LRPPRC: variants seen among roughly 807,000 people sequenced by gnomAD.
LRPPRC encodes the protein leucine rich pentatricopeptide repeat containing.
LRPPRC carries 120 observed loss-of-function variants against 180.3 expected under a neutral mutation model. That is an observed-to-expected ratio of 0.67 (90% CI 0.57 to 0.77). LRPPRC has a LOEUF of 0.77. Among genes scored for constraint, LRPPRC ranks in the 30% least tolerant of loss-of-function variants. The pLI, the probability that LRPPRC is intolerant of heterozygous loss-of-function variation, is 0.00. For synonymous variants in LRPPRC, 723 were observed against 600.0 expected, an observed-to-expected ratio of 1.21 and a Z score of -3.00; for missense variants, 2,012 against 1,657.2, an observed-to-expected ratio of 1.21 and a Z score of -3.72.
At chr2:43,957,744 C>G (rs962826280) in intron 13 of LRPPRC, among the ~76,000 whole-genome samples, 1 of 152,118 alleles carries the variant, frequency 6.6e-6, no homozygotes, top group Non-Finnish European at 1.5e-5. Flanking sequence ...TCAGAGTCAG[C>G]CTGGTACACA....
At chr2:43,984,971 T>C (rs1397835124) in intron 1 of LRPPRC, among the ~76,000 whole-genome samples, 1 of 152,000 alleles carries the variant, frequency 6.6e-6, no homozygotes, top group Non-Finnish European at 1.5e-5. Flanking sequence ...CCATTTAAAG[T>C]TATTATCTCT....
intron 11 of LRPPRC, among the ~76,000 whole-genome samples, chr2:43,972,110 T>C (rs944797460): frequency 2.2e-4 from 34 of 152,262 alleles, no homozygotes; most frequent in African/African-American, 8.2e-4. Context: ...GGTTATAGTA[T>C]AAAAAAGGAT....
intron 14 of LRPPRC, among the ~76,000 whole-genome samples, chr2:43,956,478 CGTGTGTGTGT>C (rs56919652): frequency 1.5e-4 from 22 of 142,570 alleles, no homozygotes; most frequent in Non-Finnish European, 2.7e-4. Context: ...AAGAAAAAAA[CGTGTGTGTGT>C]GTGTGTGTGT....
rs1674350152 is a variant in LRPPRC at position 43,982,367 on chromosome 2, T to C, written c.217A>G (p.Thr73Ala). 1.7e-5 allele frequency: 27 copies of C among 1,613,948 alleles called. No homozygotes were observed. Among genetic ancestry groups the C allele is most frequent in the Non-Finnish European group, 2.3e-5 (27 of 1,179,792 alleles). The change falls in exon 2 of 38, where the codon ACT becomes GCT. Residue 73 changes from threonine to alanine, a missense_variant. Physicochemically the swap from Thr to Ala is moderately conservative, Grantham distance 58. Transcript: ENST00000260665. ...AKEKDIQEES[T>A]FSSRKISNQF... is the part of the protein sequence containing the mutation. ...TTGGAAATCTTCCTAGAAGAAAAAG[T>C]GGACTCCTCTTGAATATCTTTTTCT...
intron 25 of LRPPRC, among the ~76,000 whole-genome samples, chr2:43,931,962 G>A (rs910184806): frequency 6.6e-6 from 1 of 151,320 alleles, no homozygotes; most frequent in Non-Finnish European, 1.5e-5. Context: ...TTTAAAAAGA[G>A]AATCTACAGA....
At chr2:43,979,122 T>C (rs1311664311) in intron 3 of LRPPRC, among the ~76,000 whole-genome samples, 1 of 151,894 alleles carries the variant, frequency 6.6e-6, no homozygotes, top group Non-Finnish European at 1.5e-5. Context: ...TTTCAAATTA[T>C]TTTTTGAATA....
At position 43,957,505 on chromosome 2, in the gene LRPPRC, CT is replaced by C. The variant is rs113738641; in HGVS notation, c.1583-55del. ...CTCAGACCAAACAAATTTAAAAACC[CT>C]GTATTATCAAATTGAAAACATATTT... On this transcript the variant is annotated intron_variant, in intron 13 of 37. Transcript: ENST00000260665. The C allele has an allele frequency of 1.8e-4, 234 of 1,275,880 alleles. 4 individuals are homozygous for C. The African/African-American group carries it at 2.8e-3, about 15-fold the overall frequency. 79.0% of individuals were successfully genotyped at this position (1,275,880 alleles called of 1,614,324 possible). A position where few individuals can be genotyped will look rare whatever the true frequency, so the allele number is the denominator to read the frequency against.
At chr2:43,976,927 T>A (rs894458213) in intron 5 of LRPPRC, 67 bp downstream of exon 5, 3 of 1,292,724 alleles carry the variant, frequency 2.3e-6, no homozygotes, top group Non-Finnish European at 3.4e-6. Context: ...AAACAAAGAG[T>A]GAACAGACAT....
chr2:43,890,503 G>A, intron 36 of LRPPRC: 1 of 329,058 alleles, frequency 3.0e-6, no homozygotes, highest in South Asian at 2.8e-5. Flanking sequence ...CACGAGGTTA[G>A]GAGATCGAGA....
At chr2:43,929,393 G>A (rs1174823708) in intron 25 of LRPPRC, among the ~76,000 whole-genome samples, 5 of 152,156 alleles carry the variant, frequency 3.3e-5, no homozygotes, top group Non-Finnish European at 7.4e-5. Flanking sequence ...AGCATGTATA[G>A]TCTATGTGTG....
chr2:43,919,839 G>A (rs1196742470), intron 27 of LRPPRC, among the ~76,000 whole-genome samples: 10 of 151,830 alleles, frequency 6.6e-5, no homozygotes, highest in Admixed American at 6.6e-4. Context: ...TATCTGGATT[G>A]TGTGGCATCC....
At chr2:43,969,329 G>A (rs940017320) in intron 11 of LRPPRC, among the ~76,000 whole-genome samples, 3 of 151,520 alleles carry the variant, frequency 2.0e-5, no homozygotes, top group Non-Finnish European at 4.4e-5. Context: ...GGAGAATGGC[G>A]TGAACCCAGG....
rs200192254 is a variant in LRPPRC at position 43,934,874 on chromosome 2, C to T, written c.2509G>A (p.Asp837Asn). The T allele has an allele frequency of 2.9e-5, 47 of 1,612,596 alleles. No individual in the cohort carries two copies. The East Asian group carries it at 5.8e-4, about 20-fold the overall frequency. The stretch of plus-strand genomic sequence containing the variant: ...GCGACCTCAAGAGCAGTAGATAGGT[C>T]GCCCCTTAGAAACAAAAAAATTAGC... The part of the protein sequence containing the change: ...PLVTVHLEKG[D>N]LSTALEVAID... The change falls in exon 24 of 38, where the codon GAC becomes AAC. Residue 837 changes from aspartate (D) to asparagine (N), a missense_variant. Coordinates refer to ENST00000260665, the MANE Select transcript of LRPPRC (RefSeq NM_133259.4).
rs61604438 is a variant in LRPPRC at position 43,908,214 on chromosome 2, G to A, written c.3276-2434C>T. 3.2e-3 allele frequency among the ~76,000 whole-genome samples: 493 copies of A among 152,202 alleles called. 1 individual carries two copies. The highest frequency in any genetic ancestry group is 0.012 in the African/African-American group (479 of 41,540). On this transcript the variant is annotated intron_variant, in intron 30 of 37. Transcript: ENST00000260665. ...TGATTCCTAAATTCCCTAAGAATAT[G>A]GTTTAATGTTAGCAGAGATTTAAAA... is the stretch of plus-strand genomic sequence containing the variant.
rs563903626 is a variant in LRPPRC at position 43,947,547 on chromosome 2, G to A, written c.1966-177C>T. ...CTCCAGGGATTTACAAACCTTCTGAGATTATATGCAAATTTCTTAGATATG... is the reference window on the plus strand; with the variant it reads ...CTCCAGGGATTTACAAACCTTCTGAAATTATATGCAAATTTCTTAGATATG... On this transcript the variant is annotated intron_variant, in intron 19 of 37. Transcript: ENST00000260665. Among the ~76,000 whole-genome samples the A allele has an allele frequency of 2.1e-4, 32 of 152,092 alleles. 1 individual carries two copies. Among genetic ancestry groups the A allele is most frequent in the African/African-American group, 7.2e-4 (30 of 41,506 alleles).
At chr2:43,965,807 CAAT>C (rs1317459327) in intron 11 of LRPPRC, among the ~76,000 whole-genome samples, 20 of 152,216 alleles carry the variant, frequency 1.3e-4, no homozygotes, top group Admixed American at 2.6e-4. Flanking sequence ...ATTTAAGCCA[CAAT>C]GAGATATCAC....
rs755939677 is a variant in LRPPRC, at chr2:43,960,609, T to C, written c.1514A>G (p.Asp505Gly). ...LQENGCLSDS[D>G]MFSQAGLRSE... ...TCTCAATCCAGCTTGAGAAAACATA[T>C]CACTATCAGACAGACATCCATTTTC... The change falls in exon 13 of 38, where the codon GAT becomes GGT. Residue 505 changes from aspartate to glycine, a missense_variant. Transcript: ENST00000260665. 28 of 1,597,942 alleles carry C rather than the reference T, an allele frequency of 1.8e-5. No individual in the cohort carries two copies. Among genetic ancestry groups the C allele is most frequent in the Admixed American group, 1.2e-4 (7 of 59,976 alleles).
chr2:43,911,454 T>C (rs559786978), intron 30 of LRPPRC, among the ~76,000 whole-genome samples: 123 of 152,006 alleles, frequency 8.1e-4, no homozygotes, highest in African/African-American at 2.8e-3. Context: ...AGGATTCTAA[T>C]ATTCTAAAAG....
Position 43,975,351 on chromosome 2 carries a change from T to C in LRPPRC, c.738-134A>G, listed in dbSNP as rs985995846. On this transcript the variant is annotated intron_variant, in intron 6 of 37. Coordinates refer to ENST00000260665, the MANE Select transcript of LRPPRC (RefSeq NM_133259.4). ...AATTATGATGTCAGAAAAGAACTAA[T>C]GTATATTAAACTGGATATATGTTTC... 7 of 691,732 alleles carry C rather than the reference T, an allele frequency of 1.0e-5. No homozygotes were observed. The East Asian group carries it at 1.7e-4, about 17-fold the overall frequency. 42.8% of individuals were successfully genotyped at this position (691,732 alleles called of 1,614,324 possible).
Sources: allele counts gnomAD v4.1 joint callset (sites outside exome capture counted in the v4.1 genomes callset), GRCh38; gene constraint gnomAD v4.1.1; transcripts MANE v1.5; gene names NCBI Gene and HGNC (gene_info 2026-07-23, HGNC 2026-07-21).